ROBO2: variants seen among roughly 807,000 people sequenced by gnomAD.
ROBO2 encodes the protein roundabout guidance receptor 2.
A neutral mutation model predicts 160.8 loss-of-function variants in ROBO2; 53 were observed. That is an observed-to-expected ratio of 0.33 (90% confidence interval 0.26 to 0.41). The LOEUF is 0.41. ROBO2 is among the 10% of genes least tolerant of loss of function. The pLI is 1.00. For synonymous variants in ROBO2, 664 were observed against 611.7 expected (o/e 1.09, Z -1.26); for missense variants, 1,577 against 1,722.4 (o/e 0.92, Z 1.49).
intron 2 of ROBO2, among the ~76,000 whole-genome samples, chr3:76,154,189 G>T (rs2072317087): frequency 6.6e-6 from 1 of 152,124 alleles, no homozygotes. Context: ...TTTAAAAGTA[G>T]CAGCAGCTTC....
chr3:75,956,866 G>T (rs2107236908), intron 2 of ROBO2, among the ~76,000 whole-genome samples: 1 of 151,856 alleles, frequency 6.6e-6, no homozygotes. Flanking sequence ...GGACCAAAAA[G>T]TTGGACAAAG....
chr3:76,543,049 G>A (rs2082902127), intron 2 of ROBO2, among the ~76,000 whole-genome samples: 1 of 151,994 alleles, frequency 6.6e-6, no homozygotes, highest in South Asian at 2.1e-4. Context: ...CTTCATGTTT[G>A]TTCTGATTAA....
rs148186120 is a variant in ROBO2 at position 76,339,802 on chromosome 3, A to T, written c.109+402200A>T. Among the ~76,000 whole-genome samples, 31 of 152,286 alleles carry T rather than the reference A, an allele frequency of 2.0e-4. No homozygotes were observed. In the East Asian group the frequency reaches 6.0e-3, roughly 29 times the overall value. The stretch of plus-strand genomic sequence containing the variant: ...GTATATTGTTATTAATCGTTACAAT[A>T]ATTCATATGTTTATATCTCCAAGTT... On this transcript the variant is annotated intron_variant, in intron 2 of 26. Coordinates refer to the ROBO2 transcript ENST00000487694.
chr3:76,534,233 G>T (rs1436628624), intron 2 of ROBO2, among the ~76,000 whole-genome samples: 1 of 151,942 alleles, frequency 6.6e-6, no homozygotes, highest in Admixed American at 6.6e-5. Flanking sequence ...CAGGTCTAGG[G>T]CTCATTTTTA....
intron 2 of ROBO2, among the ~76,000 whole-genome samples, chr3:77,221,209 G>A (rs1404142672): frequency 1.3e-5 from 2 of 152,126 alleles, no homozygotes; most frequent in Non-Finnish European, 1.5e-5. Context: ...TGCCAGTGCT[G>A]TGTGAGCTCC....
chr3:76,832,320 T>C (rs2067160894), intron 2 of ROBO2, among the ~76,000 whole-genome samples: 1 of 152,228 alleles, frequency 6.6e-6, no homozygotes, highest in South Asian at 2.1e-4. Context: ...TCCTGCTCTC[T>C]GTTAAAATCA....
At chr3:76,546,667 T>G (rs2083121060) in intron 2 of ROBO2, among the ~76,000 whole-genome samples, 1 of 151,956 alleles carries the variant, frequency 6.6e-6, no homozygotes, top group Admixed American at 6.6e-5. Flanking sequence ...CCTCCTCAAT[T>G]TATGGCAATT....
At chr3:76,472,496 A>T (rs2078718593) in intron 2 of ROBO2, among the ~76,000 whole-genome samples, 1 of 152,148 alleles carries the variant, frequency 6.6e-6, no homozygotes, top group Admixed American at 6.6e-5. Context: ...TTAATAAATA[A>T]CAATTGGACT....
chr3:76,065,430 G>A (rs1447195126), intron 2 of ROBO2, among the ~76,000 whole-genome samples: 2 of 151,978 alleles, frequency 1.3e-5, no homozygotes, highest in East Asian at 3.9e-4. Flanking sequence ...CAATCGTGTT[G>A]TGTTGAATAA....
In ROBO2 at chr3:77,607,962, T is replaced by TA. The variant is rs2094558122; in HGVS notation, c.3293+9dup. The TA allele has an allele frequency of 6.2e-7, 1 of 1,613,618 alleles. No homozygotes were observed. Among genetic ancestry groups the TA allele is most frequent in the Admixed American group, 1.7e-5 (1 of 59,948 alleles). On this transcript the variant is annotated intron_variant, in intron 21 of 25. Coordinates refer to ENST00000461745, the Ensembl canonical transcript of ROBO2. Reference sequence around the variant, plus strand: ...GGAACAACAAGAAAATGGGTAAAGATATTTTATATACTAGCAAAATGGCCA... The same window carrying TA: ...GGAACAACAAGAAAATGGGTAAAGATAATTTTATATACTAGCAAAATGGCCA...
At chr3:77,565,462 A>G (rs2093451837) in intron 12 of ROBO2, among the ~76,000 whole-genome samples, 1 of 152,118 alleles carries the variant, frequency 6.6e-6, no homozygotes. Context: ...TTTAATGAGT[A>G]GATGCCCAAA....
chr3:76,707,899 C>T (rs1022698249), intron 2 of ROBO2, among the ~76,000 whole-genome samples: 1 of 151,898 alleles, frequency 6.6e-6, no homozygotes, highest in Non-Finnish European at 1.5e-5. Flanking sequence ...AGAAAAAGAA[C>T]TCCAAAATTA....
At chr3:77,338,275 T>TG (rs752647455) in intron 2 of ROBO2, among the ~76,000 whole-genome samples, 23 of 152,176 alleles carry the variant, frequency 1.5e-4, no homozygotes, top group Non-Finnish European at 2.9e-4. Flanking sequence ...TTGTTTGTGA[T>TG]GCTTTTAAAT....
chr3:76,269,881 A>G (rs1169680993), intron 2 of ROBO2, among the ~76,000 whole-genome samples: 1 of 152,054 alleles, frequency 6.6e-6, no homozygotes, highest in Non-Finnish European at 1.5e-5. Context: ...GTTCTATAGA[A>G]AAGGATGGAT....
At chr3:76,710,966 T>C (rs934828524) in intron 2 of ROBO2, among the ~76,000 whole-genome samples, 8 of 152,188 alleles carry the variant, frequency 5.3e-5, no homozygotes, top group African/African-American at 1.9e-4. Context: ...TTCCTGATAT[T>C]GGGCTTTCAA....
intron 2 of ROBO2, among the ~76,000 whole-genome samples, chr3:76,001,586 G>A (rs1474818994): frequency 6.6e-6 from 1 of 152,086 alleles, no homozygotes; most frequent in Non-Finnish European, 1.5e-5. Flanking sequence ...CACCCAGGCT[G>A]CAGTGCAGTG....
At chr3:76,604,371 A>C (rs35826496) in intron 2 of ROBO2, among the ~76,000 whole-genome samples, 3,338 of 152,290 alleles carry the variant, frequency 0.022, 54 homozygotes, top group Non-Finnish European at 0.03. Context: ...TTAATAAATC[A>C]TAACCTTAAG....
At chr3:75,985,904 TC>T (rs1480460819) in intron 2 of ROBO2, among the ~76,000 whole-genome samples, 1 of 151,666 alleles carries the variant, frequency 6.6e-6, no homozygotes, top group Non-Finnish European at 1.5e-5. Context: ...TGAATAATAT[TC>T]TTTTATTTGT....
chr3:76,370,355 A>C (rs1257828673), intron 2 of ROBO2, among the ~76,000 whole-genome samples: 1 of 151,912 alleles, frequency 6.6e-6, no homozygotes, highest in African/African-American at 2.4e-5. Context: ...TCAATATGTC[A>C]GTTCAATTCA....
Sources: allele counts gnomAD v4.1 joint callset (sites outside exome capture counted in the v4.1 genomes callset), GRCh38; gene constraint gnomAD v4.1.1; transcripts MANE v1.5; gene names NCBI Gene and HGNC (gene_info 2026-07-23, HGNC 2026-07-21).